MTR: variants seen among roughly 807,000 people sequenced by gnomAD.
MTR encodes the protein methionine synthase.
In MTR, 84 loss-of-function variants were observed where a neutral mutation model predicts 154.8. That is an observed-to-expected ratio of 0.54 (90% CI 0.45 to 0.65). The LOEUF is 0.65. MTR is among the 30% of genes least tolerant of loss of function. The pLI, the probability that MTR is intolerant of heterozygous loss-of-function variation, is 0.00. For synonymous variants in MTR, 554 were observed against 553.9 expected (o/e 1.00, Z 0.00); for missense variants, 1,275 against 1,570.2 (o/e 0.81, Z 3.18).
At chr1:236,811,774 C>T (rs1035447760) in intron 5 of MTR, 20 of 438,950 alleles carry the variant, frequency 4.6e-5, no homozygotes, top group African/African-American at 4.0e-4. Context: ...CATAGCAGGC[C>T]CTCAAATAAT....
Position 236,844,024 on chromosome 1 carries a change from T to C in MTR, c.1515+5425T>C, listed in dbSNP as rs138573894. On this transcript the variant is annotated intron_variant, in intron 15 of 32. Coordinates refer to ENST00000366577, the MANE Select transcript of MTR (RefSeq NM_000254.3). Reference sequence around the variant, plus strand: ...TGGCTGAGCTCACCAAAGGAATGACTGTAGAGAAGTCCTAGGACTAAGTGA... The same window carrying C: ...TGGCTGAGCTCACCAAAGGAATGACCGTAGAGAAGTCCTAGGACTAAGTGA... Among the ~76,000 whole-genome samples the C allele has an allele frequency of 1.1e-4, 17 of 152,248 alleles. No homozygotes were observed. The East Asian group carries it at 3.3e-3, about 29-fold the overall frequency.
At chr1:236,835,462 C>A in intron 13 of MTR, 85 bp from the exon 14 acceptor site, 2 of 1,538,908 alleles carry the variant, frequency 1.3e-6, no homozygotes, top group South Asian at 2.2e-5. Flanking sequence ...TGAAGGATTG[C>A]TGGGAAGGGT....
intron 14 of MTR, among the ~76,000 whole-genome samples, chr1:236,838,081 A>G (rs1663011309): frequency 6.6e-6 from 1 of 152,170 alleles, no homozygotes; most frequent in Non-Finnish European, 1.5e-5. Flanking sequence ...GGATGTCTGA[A>G]TCCTAGCTGA....
chr1:236,852,385 A>C (rs1020256570), intron 16 of MTR, 136 bp from the exon 17 acceptor site: 7 of 726,534 alleles, frequency 9.6e-6, no homozygotes, highest in Non-Finnish European at 4.8e-6. Flanking sequence ...GTCTAGTAAC[A>C]AGAAGCTCTG....
At chr1:236,867,379 CCTA>C (rs929778110) in intron 22 of MTR, among the ~76,000 whole-genome samples, 4 of 152,196 alleles carry the variant, frequency 2.6e-5, no homozygotes, top group African/African-American at 9.7e-5. Flanking sequence ...ACCATTAAGA[CCTA>C]CTGCTCAGTA....
chr1:236,811,481 C>G (rs1661300009), intron 5 of MTR, among the ~76,000 whole-genome samples: 1 of 152,170 alleles, frequency 6.6e-6, no homozygotes, highest in Non-Finnish European at 1.5e-5. Context: ...GCTGAATAGT[C>G]ATGATACCAT....
intron 22 of MTR, among the ~76,000 whole-genome samples, chr1:236,865,473 C>G (rs1003965389): frequency 1.3e-5 from 2 of 152,120 alleles, no homozygotes. Context: ...AATTACCTAG[C>G]CTAGTGAGTG....
At chr1:236,885,005 G>A in intron 25 of MTR, 116 bp from the exon 26 acceptor site, 1 of 737,056 alleles carries the variant, frequency 1.4e-6, no homozygotes, top group South Asian at 1.5e-5. Flanking sequence ...CACAGTTGGT[G>A]AAGGGAGAAG....
rs781425281 is a variant in MTR at position 236,812,743 on chromosome 1, G to T, written c.508G>T (p.Asp170Tyr). ...ERPDYRNITF[D>Y]ELVEAYQEQA... ...GTGTGATTTATTTTTTGCAGCATTT[G>T]ATGAGCTTGTTGAAGCATACCAAGA... Residue 170 changes from aspartate (D) to tyrosine (Y), a missense_variant, in exon 6 of 33, where the codon GAT becomes TAT. Coordinates refer to ENST00000366577, the MANE Select transcript of MTR (RefSeq NM_000254.3). 6.2e-7 allele frequency: 1 copy of T among 1,613,918 alleles called. No individual in the cohort carries two copies. The highest frequency in any genetic ancestry group is 2.2e-5 in the East Asian group (1 of 44,874).
chr1:236,805,982 T>G (rs1660962240), intron 2 of MTR, among the ~76,000 whole-genome samples, 162 bp from the exon 3 acceptor site: 1 of 152,188 alleles, frequency 6.6e-6, no homozygotes, highest in African/African-American at 2.4e-5. Context: ...TTCTGTGAAA[T>G]CCTTACACCT....
intron 27 of MTR, among the ~76,000 whole-genome samples, chr1:236,886,718 C>T (rs1287843067): frequency 1.3e-5 from 2 of 152,174 alleles, no homozygotes; most frequent in African/African-American, 2.4e-5. Flanking sequence ...CTTCTAAAGC[C>T]ATGCTCTTTC....
intron 25 of MTR, among the ~76,000 whole-genome samples, chr1:236,881,530 G>A (rs1405071373): frequency 8.6e-5 from 13 of 151,890 alleles, no homozygotes; most frequent in South Asian, 2.1e-4. Context: ...CAGGTAAGAC[G>A]TCACTTACCG....
At chr1:236,810,472 A>G in intron 4 of MTR, 31 bp from the exon 5 acceptor site, 3 of 1,567,970 alleles carry the variant, frequency 1.9e-6, no homozygotes, top group Non-Finnish European at 2.6e-6. Context: ...AGCCACTTAG[A>G]GATCTCACAC....
chr1:236,875,083 G>C (rs182209280), intron 24 of MTR, among the ~76,000 whole-genome samples: 60 of 152,264 alleles, frequency 3.9e-4, no homozygotes, highest in Non-Finnish European at 3.5e-4. Flanking sequence ...GATTTCTTTG[G>C]CTTGCAATAA....
intron 31 of MTR, among the ~76,000 whole-genome samples, chr1:236,896,015 C>T (rs1666605010): frequency 6.6e-6 from 1 of 152,208 alleles, no homozygotes; most frequent in East Asian, 1.9e-4. Context: ...TTTACTTTTA[C>T]ACTGTTAGTA....
At chr1:236,889,082 G>A (rs931691107) in intron 27 of MTR, 99 bp from the exon 28 acceptor site, 11 of 1,418,678 alleles carry the variant, frequency 7.8e-6, no homozygotes, top group Middle Eastern at 2.3e-4. Flanking sequence ...GGAGGGAGGC[G>A]GAGTGTGGGA....
intron 22 of MTR, among the ~76,000 whole-genome samples, chr1:236,871,564 A>G (rs1558326767): frequency 6.6e-6 from 1 of 152,230 alleles, no homozygotes; most frequent in Non-Finnish European, 1.5e-5. Context: ...CTTGATTTAA[A>G]AGCAGTATGC....
intron 24 of MTR, among the ~76,000 whole-genome samples, chr1:236,877,627 T>C (rs910169236): frequency 1.3e-5 from 2 of 152,240 alleles, no homozygotes; most frequent in African/African-American, 4.8e-5. Flanking sequence ...CTGTGACTTA[T>C]TTACTCTTGC....
At position 236,847,967 on chromosome 1, in the gene MTR, G is replaced by A. The variant is rs576359048; in HGVS notation, c.1516-2377G>A. ...AAGACAGAAGCTTGGTGAACCTTACGTGATATGAGATATGACCTGCTCCTG... is the reference window on the plus strand; with the variant it reads ...AAGACAGAAGCTTGGTGAACCTTACATGATATGAGATATGACCTGCTCCTG... On this transcript the variant is annotated intron_variant, in intron 15 of 32. Transcript: ENST00000366577. Among the ~76,000 whole-genome samples the A allele has an allele frequency of 3.3e-4, 50 of 152,304 alleles. 1 individual carries two copies. In the South Asian group the frequency reaches 3.7e-3, roughly 11 times the overall value.
Sources: gnomAD v4.1 joint callset for allele counts (sites outside exome capture counted in the v4.1 genomes callset) on GRCh38, gnomAD v4.1.1 for gene constraint, MANE v1.5 for transcripts, NCBI Gene and HGNC (gene_info 2026-07-23, HGNC 2026-07-21) for gene names.